The following WDR25 variants were observed in gnomAD, a reference collection of about 807,000 sequenced individuals.
WDR25 encodes WD repeat domain 25, also known as WD repeat-containing protein 25.
In WDR25, 35 loss-of-function variants were observed where a neutral mutation model predicts 47.7. The ratio of observed to expected loss-of-function variants is 0.73; its 90% CI spans 0.56 to 0.97. WDR25 has a LOEUF of 0.97. Among genes scored for constraint, WDR25 ranks in the 50% least tolerant of loss-of-function variants. WDR25 has a pLI of 0.00. For synonymous variants in WDR25, 248 were observed against 278.9 expected (o/e 0.89, Z 1.10); for missense variants, 634 against 704.7 (o/e 0.90, Z 1.14).
intron 2 of WDR25, among the ~76,000 whole-genome samples, chr14:100,422,262 G>A (rs1898047554): frequency 6.6e-6 from 1 of 152,136 alleles, no homozygotes; most frequent in African/African-American, 2.4e-5. Flanking sequence ...TGTGCTGTTT[G>A]CTGGAGTATT....
Position 100,468,199 on chromosome 14 carries a change from A to T in WDR25, c.970+31A>T. 1 of 1,595,812 alleles carries T rather than the reference A, an allele frequency of 6.3e-7. No individual in the cohort carries two copies. On this transcript the variant is annotated intron_variant, in intron 3 of 6. Coordinates refer to ENST00000402312, the MANE Select transcript of WDR25 (RefSeq NM_001161476.3). The surrounding 1 kb of genome is among the most constrained non-coding windows in gnomAD (Gnocchi z 4.5). The stretch of plus-strand genomic sequence containing the variant: ...TTTCTTGTGTCACCTCCCTGAGGTG[A>T]GCTGGCAGCTCTCTCCCTGGGGAAG...
At chr14:100,503,374 C>T (rs1173942291) in intron 4 of WDR25, among the ~76,000 whole-genome samples, 1 of 152,146 alleles carries the variant, frequency 6.6e-6, no homozygotes, top group Non-Finnish European at 1.5e-5. Flanking sequence ...CTTTAAGCCT[C>T]ATTAAGGAGT....
chr14:100,402,830 T>TCGTGACCA (rs1897419530), intron 2 of WDR25, among the ~76,000 whole-genome samples: 1 of 151,948 alleles, frequency 6.6e-6, no homozygotes, highest in South Asian at 2.1e-4. Flanking sequence ...TACTAACACC[T>TCGTGACCA]CGTGACCACC....
chr14:100,456,400 G>C (rs142805061), intron 2 of WDR25, among the ~76,000 whole-genome samples: 1 of 152,172 alleles, frequency 6.6e-6, no homozygotes. Flanking sequence ...TATGAACCAT[G>C]ATGAGAAGAA....
At chr14:100,420,026 G>GACC (rs1897981162) in intron 2 of WDR25, among the ~76,000 whole-genome samples, 1 of 152,238 alleles carries the variant, frequency 6.6e-6, no homozygotes, top group Non-Finnish European at 1.5e-5. Context: ...GAGTGAACGG[G>GACC]TGCTCGCAGG....
At chr14:100,376,724 T>G in intron 1 of WDR25, 1 of 1,230,492 alleles carries the variant, frequency 8.1e-7, no homozygotes. Context: ...TGTTTGTTGC[T>G]TTCATCGCTC....
chr14:100,519,363 C>G (rs1331046480), intron 4 of WDR25, among the ~76,000 whole-genome samples: 5 of 151,550 alleles, frequency 3.3e-5, no homozygotes, highest in Non-Finnish European at 5.9e-5. Flanking sequence ...TTTTTTCTAT[C>G]TGGTACATGT....
chr14:100,520,153 G>T (rs1265370217), intron 4 of WDR25, among the ~76,000 whole-genome samples: 1 of 150,430 alleles, frequency 6.6e-6, no homozygotes, highest in Non-Finnish European at 1.5e-5. Flanking sequence ...GTTTAGCTGG[G>T]TTTAAGAACT....
rs546016914 is a variant in WDR25, at chr14:100,471,108, T to G, written c.970+2940T>G. The stretch of plus-strand genomic sequence containing the variant: ...GGTTGAGGGATTTGGACCTCACCCT[T>G]GGGGAAGCGCTGCACACACAGACAG... On this transcript the variant is annotated intron_variant, in intron 3 of 6. Transcript: ENST00000402312. 3.9e-5 allele frequency among the ~76,000 whole-genome samples: 6 copies of G among 152,230 alleles called. No individual in the cohort carries two copies. In the East Asian group the frequency reaches 1.2e-3, roughly 29 times the overall value.
chr14:100,470,223 T>C (rs935169500), intron 3 of WDR25, among the ~76,000 whole-genome samples: 5 of 152,034 alleles, frequency 3.3e-5, no homozygotes, highest in African/African-American at 1.2e-4. Context: ...CAGGGTTCCA[T>C]GTAGTATGCA....
At chr14:100,518,457 T>G (rs746621655) in intron 4 of WDR25, among the ~76,000 whole-genome samples, 8 of 152,172 alleles carry the variant, frequency 5.3e-5, no homozygotes, top group Non-Finnish European at 7.4e-5. Flanking sequence ...ATGGTTTGTA[T>G]TGTGTTTTTT....
intron 4 of WDR25, among the ~76,000 whole-genome samples, chr14:100,487,057 T>C (rs2140325605): frequency 6.6e-6 from 1 of 152,300 alleles, no homozygotes; most frequent in Non-Finnish European, 1.5e-5. Flanking sequence ...CGCAATTTTG[T>C]GTTTTGCTTT....
At position 100,529,089 on chromosome 14, in the gene WDR25, C is replaced by T; in HGVS notation, c.1294C>T (p.Leu432Phe). Residue 432 changes from leucine to phenylalanine, a missense_variant, in exon 6 of 7, where the codon CTC becomes TTC. Transcript: ENST00000402312. This position sits in a 1 kb window ranked among gnomAD's most constrained non-coding sequence, Gnocchi z 5.1. ...IFHERFTCPS[L>F]ALHPREPVFL... is the part of the protein sequence containing the mutation. Reference sequence around the variant, plus strand: ...TCAGGAGAGGTTCACCTGCCCCAGCCTCGCCTTGCACCCGAGAGAGCCCGT... The same window carrying T: ...TCAGGAGAGGTTCACCTGCCCCAGCTTCGCCTTGCACCCGAGAGAGCCCGT... 1 of 1,561,822 alleles carries T rather than the reference C, an allele frequency of 6.4e-7. No individual in the cohort carries two copies. Among genetic ancestry groups the T allele is most frequent in the African/African-American group, 1.4e-5 (1 of 73,902 alleles).
intron 4 of WDR25, among the ~76,000 whole-genome samples, chr14:100,484,512 A>C (rs1169672931): frequency 1.3e-5 from 2 of 151,812 alleles, no homozygotes; most frequent in Non-Finnish European, 2.9e-5. Flanking sequence ...ACTTGTTTGC[A>C]TGCTTGCGAG....
chr14:100,436,586 C>G (rs1898505757), intron 2 of WDR25, among the ~76,000 whole-genome samples: 1 of 152,172 alleles, frequency 6.6e-6, no homozygotes, highest in African/African-American at 2.4e-5. Flanking sequence ...GAACTATGGC[C>G]TGGGTTTCCC....
rs1455775209 is a variant in WDR25 at position 100,488,704 on chromosome 14, G to A, written c.1101+4580G>A. On this transcript the variant is annotated intron_variant, in intron 4 of 6. Transcript: ENST00000402312. The surrounding 1 kb of genome is among the most constrained non-coding windows in gnomAD (Gnocchi z 4.2). ...GGAAATGAAGGGGAGGATAGTATAT[G>A]GACCACATTTTGAGAAGCTAGGGAC... is the stretch of plus-strand genomic sequence containing the variant. 6.6e-6 allele frequency among the ~76,000 whole-genome samples: 1 copy of A among 152,148 alleles called. No individual in the cohort carries two copies. Among genetic ancestry groups the A allele is most frequent in the African/African-American group, 2.4e-5 (1 of 41,428 alleles).
In WDR25 at chr14:100,530,093, C is replaced by T. The variant is rs2030418806; in HGVS notation, c.*52C>T. 13 of 1,555,910 alleles carry T rather than the reference C, an allele frequency of 8.4e-6. No individual in the cohort carries two copies. The highest frequency in any genetic ancestry group is 5.2e-5 in the Admixed American group (3 of 57,712). ...GCCAGCTGGGCTCTTGGACTCCCCT[C>T]TTCCTCAAGGGTAGATGAGAGGAAC... On this transcript the variant is annotated 3_prime_UTR_variant, in exon 7 of 7. Coordinates refer to ENST00000402312, the MANE Select transcript of WDR25 (RefSeq NM_001161476.3).
At chr14:100,445,300 A>G (rs1898796792) in intron 2 of WDR25, among the ~76,000 whole-genome samples, 1 of 152,266 alleles carries the variant, frequency 6.6e-6, no homozygotes, top group Non-Finnish European at 1.5e-5. Flanking sequence ...GGAATAAAGT[A>G]ACTTGTGTTG....
At chr14:100,418,994 C>T (rs1006451805) in intron 2 of WDR25, among the ~76,000 whole-genome samples, 13 of 152,004 alleles carry the variant, frequency 8.6e-5, no homozygotes, top group Non-Finnish European at 1.8e-4. Flanking sequence ...CCAAGGTGGG[C>T]GATCACCTGA....
Sources: gnomAD v4.1 joint callset for allele counts (sites outside exome capture counted in the v4.1 genomes callset) on GRCh38, gnomAD v4.1.1 for gene constraint, Gnocchi (gnomAD v3.1) non-coding constraint, MANE v1.5 for transcripts, NCBI Gene and HGNC (gene_info 2026-07-23, HGNC 2026-07-21) for gene names.